Variants in EXOC6B observed in about 807,000 individuals in gnomAD.
EXOC6B encodes exocyst complex component 6B, also known as SEC15 homolog B.
In EXOC6B, 54 loss-of-function variants were observed where a neutral mutation model predicts 113.5. That is an observed-to-expected ratio of 0.48 (90% CI 0.38 to 0.60). The LOEUF is 0.60. Among genes scored for constraint, EXOC6B ranks in the 20% least tolerant of loss-of-function variants. The probability of loss-of-function intolerance (pLI) is 0.00; values close to 1 mark genes in which losing one functional copy is unlikely to be tolerated. For missense variants in EXOC6B, 797 were observed against 977.5 expected, an observed-to-expected ratio of 0.82 and a Z score of 2.46; for synonymous variants, 357 against 339.0, an observed-to-expected ratio of 1.05 and a Z score of -0.58.
At chr2:72,182,588 A>C (rs114576974) in intron 21 of EXOC6B, among the ~76,000 whole-genome samples, 1,722 of 152,148 alleles carry the variant, frequency 0.011, 49 homozygotes, top group African/African-American at 0.04. Flanking sequence ...TTCAGGCCCC[A>C]CACTAGCAAG....
chr2:72,527,620 T>C (rs1274667058), intron 8 of EXOC6B, among the ~76,000 whole-genome samples: 2 of 152,026 alleles, frequency 1.3e-5, no homozygotes, highest in African/African-American at 4.8e-5. Flanking sequence ...AAGTTGTTGC[T>C]TAATTTTTCA....
intron 16 of EXOC6B, among the ~76,000 whole-genome samples, chr2:72,491,401 T>G (rs1699737219): frequency 6.6e-6 from 1 of 152,178 alleles, no homozygotes; most frequent in African/African-American, 2.4e-5. Flanking sequence ...AACCTTTTGC[T>G]GCGCTTCACC....
chr2:72,654,019 G>T (rs893584706), intron 6 of EXOC6B, among the ~76,000 whole-genome samples: 3 of 150,476 alleles, frequency 2.0e-5, no homozygotes, highest in South Asian at 4.2e-4. Context: ...GCCCAGGCTG[G>T]AGTGCAGTGC....
At chr2:72,721,131 C>A (rs1287553303) in intron 5 of EXOC6B, among the ~76,000 whole-genome samples, 1 of 151,914 alleles carries the variant, frequency 6.6e-6, no homozygotes, top group African/African-American at 2.4e-5. Flanking sequence ...GAGTTCAAGA[C>A]AAGCCTAGGC....
intron 6 of EXOC6B, among the ~76,000 whole-genome samples, chr2:72,588,340 A>G (rs1705716451): frequency 6.6e-6 from 1 of 152,106 alleles, no homozygotes; most frequent in African/African-American, 2.4e-5. Flanking sequence ...ATGAAATATT[A>G]TGTGGTCTGA....
chr2:72,804,510 C>CA (rs1291277100), intron 1 of EXOC6B, among the ~76,000 whole-genome samples: 1 of 151,838 alleles, frequency 6.6e-6, no homozygotes, highest in South Asian at 2.1e-4. Context: ...AATAATTTTG[C>CA]AAAAAATGCT....
At chr2:72,546,275 C>T (rs893574519) in intron 8 of EXOC6B, among the ~76,000 whole-genome samples, 5 of 152,110 alleles carry the variant, frequency 3.3e-5, no homozygotes, top group African/African-American at 1.2e-4. Flanking sequence ...ATGGCAAAAC[C>T]CCATCTCTAC....
chr2:72,192,928 A>G (rs1268678142), intron 20 of EXOC6B, among the ~76,000 whole-genome samples: 1 of 152,214 alleles, frequency 6.6e-6, no homozygotes, highest in Non-Finnish European at 1.5e-5. Flanking sequence ...CACTTAACAT[A>G]TAATCCAAGA....
chr2:72,204,609 T>A (rs761085764), intron 20 of EXOC6B, among the ~76,000 whole-genome samples: 3 of 151,602 alleles, frequency 2.0e-5, no homozygotes, highest in Non-Finnish European at 4.4e-5. Flanking sequence ...AAAAGGCTGC[T>A]GCCCTCACCT....
intron 20 of EXOC6B, among the ~76,000 whole-genome samples, chr2:72,206,652 GAC>G (rs1679856936): frequency 6.6e-6 from 1 of 152,094 alleles, no homozygotes; most frequent in African/African-American, 2.4e-5. Flanking sequence ...TTGAGCAAGG[GAC>G]ACACAGTAGA....
chr2:72,548,286 A>G (rs2105812036), intron 8 of EXOC6B, among the ~76,000 whole-genome samples: 1 of 152,300 alleles, frequency 6.6e-6, no homozygotes, highest in Admixed American at 6.5e-5. Context: ...GTTACAATAC[A>G]TGAACTCCTG....
chr2:72,266,351 A>G (rs1329710956), intron 20 of EXOC6B, among the ~76,000 whole-genome samples: 1 of 148,262 alleles, frequency 6.7e-6, no homozygotes, highest in African/African-American at 2.5e-5. Context: ...CTGAATGGTA[A>G]TGCCTAGGTT....
At chr2:72,736,201 A>AG (rs1214171001) in intron 2 of EXOC6B, among the ~76,000 whole-genome samples, 1 of 150,088 alleles carries the variant, frequency 6.7e-6, no homozygotes, top group East Asian at 1.9e-4. Context: ...ATTAAAAAAA[A>AG]AAAAACAAAA....
intron 18 of EXOC6B, among the ~76,000 whole-genome samples, chr2:72,394,755 GC>G (rs1318758256): frequency 6.6e-6 from 1 of 152,036 alleles, no homozygotes; most frequent in African/African-American, 2.4e-5. Context: ...ATATTAATGA[GC>G]AAAAGGTCAT....
At chr2:72,279,797 T>G (rs1013702449) in intron 20 of EXOC6B, among the ~76,000 whole-genome samples, 3 of 151,900 alleles carry the variant, frequency 2.0e-5, no homozygotes, top group Non-Finnish European at 2.9e-5. Flanking sequence ...TTGGGTTTTT[T>G]TTGTTGTTGT....
chr2:72,700,045 CCTATAATAT>C (rs1678198505), intron 6 of EXOC6B, among the ~76,000 whole-genome samples: 1 of 152,074 alleles, frequency 6.6e-6, no homozygotes, highest in Non-Finnish European at 1.5e-5. Flanking sequence ...CTCTAGATTA[CCTATAATAT>C]CTAACACAAT....
chr2:72,627,071 T>C (rs1487904581), intron 6 of EXOC6B, among the ~76,000 whole-genome samples: 1 of 152,094 alleles, frequency 6.6e-6, no homozygotes. Context: ...AAATAACATA[T>C]GTTTTGTAGT....
At chr2:72,383,029 C>A (rs1691784306) in intron 18 of EXOC6B, among the ~76,000 whole-genome samples, 1 of 152,138 alleles carries the variant, frequency 6.6e-6, no homozygotes, top group South Asian at 2.1e-4. Flanking sequence ...AAACCTAAAT[C>A]TATAAAAACT....
rs113233583 is a variant in EXOC6B at position 72,438,057 on chromosome 2, C to T, written c.1980+27103G>A. 1.6e-4 allele frequency among the ~76,000 whole-genome samples: 25 copies of T among 152,202 alleles called. 2 individuals are homozygous for T. Among genetic ancestry groups the T allele is most frequent in the African/African-American group, 4.6e-4 (19 of 41,528 alleles). ...TAGATCATTGAGTACACATTAGGTA[C>T]TCAATAAATGTTTATTGAACTAAAT... On this transcript the variant is annotated intron_variant, in intron 18 of 21. Transcript: ENST00000272427.
Sources: allele counts gnomAD v4.1 joint callset (sites outside exome capture counted in the v4.1 genomes callset), GRCh38; gene constraint gnomAD v4.1.1; transcripts MANE v1.5; gene names NCBI Gene and HGNC (gene_info 2026-07-23, HGNC 2026-07-21).